Variants in CLXN observed in about 807,000 individuals in gnomAD.
CLXN encodes the protein EF-hand calcium binding domain 1.
chr8:48,730,819 T>C, the CLXN span, among the ~76,000 whole-genome samples: 1 of 152,218 alleles, frequency 6.6e-6, no homozygotes, highest in South Asian at 2.1e-4. Flanking sequence ...AACTCTTTTA[T>C]TAAACATTCA....
chr8:48,729,704 C>T, the CLXN span: 1 of 1,585,146 alleles, frequency 6.3e-7, no homozygotes. Flanking sequence ...AAAAACTTGA[C>T]ATTACCCATA....
the CLXN span, among the ~76,000 whole-genome samples, chr8:48,727,160 T>TCCATCCATCCAC: frequency 1.4e-5 from 2 of 141,726 alleles, no homozygotes; most frequent in Non-Finnish European, 3.1e-5. Flanking sequence ...CTTCCATCCA[T>TCCATCCATCCAC]CCATCCATCC....
At chr8:48,726,524 T>A in the CLXN span, among the ~76,000 whole-genome samples, 3 of 129,242 alleles carry the variant, frequency 2.3e-5, no homozygotes, top group African/African-American at 9.1e-5. Context: ...ATCCAATCCA[T>A]CCATCCACCC....
the CLXN span, chr8:48,730,230 T>C: frequency 3.2e-6 from 1 of 308,046 alleles, no homozygotes; most frequent in Non-Finnish European, 5.9e-6. Flanking sequence ...TGGTTACAAT[T>C]CAAGTAATGA....
At chr8:48,719,748 A>C in the CLXN span, among the ~76,000 whole-genome samples, 3 of 152,216 alleles carry the variant, frequency 2.0e-5, no homozygotes, top group Non-Finnish European at 2.9e-5. Flanking sequence ...CAATAAAATA[A>C]GTACACTAGG....
chr8:48,723,207 T>C, the CLXN span, among the ~76,000 whole-genome samples: 3 of 152,274 alleles, frequency 2.0e-5, no homozygotes, highest in South Asian at 6.2e-4. Flanking sequence ...ATTGTGGTGA[T>C]TATTTCACAA....
At chr8:48,716,143 A>C in the CLXN span, 1 of 152,354 alleles carries the variant, frequency 6.6e-6, no homozygotes, top group African/African-American at 2.4e-5. Flanking sequence ...GCTGAGGCCC[A>C]GTGAGAATTC....
At chr8:48,711,397 C>G in the CLXN span, 1 of 152,244 alleles carries the variant, frequency 6.6e-6, no homozygotes, top group Non-Finnish European at 1.5e-5. Context: ...TCCTCTCACT[C>G]TGCCTCTCTT....
At chr8:48,732,847 G>A in the CLXN span, among the ~76,000 whole-genome samples, 2 of 152,136 alleles carry the variant, frequency 1.3e-5, no homozygotes, top group African/African-American at 4.8e-5. Context: ...AAATAAGCCA[G>A]ACACAAAAGG....
At chr8:48,732,550 A>G in the CLXN span, among the ~76,000 whole-genome samples, 1 of 152,228 alleles carries the variant, frequency 6.6e-6, no homozygotes, top group Non-Finnish European at 1.5e-5. Context: ...GCTGTTAGTC[A>G]CTGTGGAAAA....
At chr8:48,718,293 A>G in the CLXN span, among the ~76,000 whole-genome samples, 1 of 152,176 alleles carries the variant, frequency 6.6e-6, no homozygotes, top group Non-Finnish European at 1.5e-5. Flanking sequence ...TATATATACA[A>G]CCAATATCAG....
the CLXN span, among the ~76,000 whole-genome samples, chr8:48,731,677 A>C: frequency 6.8e-6 from 1 of 147,856 alleles, no homozygotes. Context: ...AAATAAAAAA[A>C]GCAGCATACC....
At chr8:48,721,060 G>A in the CLXN span, among the ~76,000 whole-genome samples, 1 of 151,942 alleles carries the variant, frequency 6.6e-6, no homozygotes, top group Non-Finnish European at 1.5e-5. Context: ...ACACAACAAT[G>A]ACAACAACAA....
At chr8:48,727,718 G>C in the CLXN span, among the ~76,000 whole-genome samples, 1 of 152,156 alleles carries the variant, frequency 6.6e-6, no homozygotes, top group African/African-American at 2.4e-5. Context: ...GGGCCTGGCA[G>C]CATTTGCATT....
At chr8:48,730,351 C>A in the CLXN span, among the ~76,000 whole-genome samples, 1 of 152,096 alleles carries the variant, frequency 6.6e-6, no homozygotes, top group Admixed American at 6.6e-5. Flanking sequence ...CTTGAGTTTT[C>A]TTTTTATTAA....
chr8:48,726,356 T>C, the CLXN span, among the ~76,000 whole-genome samples: 1 of 130,122 alleles, frequency 7.7e-6, no homozygotes, highest in East Asian at 2.5e-4. Flanking sequence ...ATCCACCCAC[T>C]CATCATTTCA....
chr8:48,713,285 A>G, the CLXN span, among the ~76,000 whole-genome samples: 1 of 152,202 alleles, frequency 6.6e-6, no homozygotes, highest in Non-Finnish European at 1.5e-5. Context: ...TTAAATTTCT[A>G]TTTTATTATG....
chr8:48,718,545 C>T, the CLXN span, among the ~76,000 whole-genome samples: 2 of 152,018 alleles, frequency 1.3e-5, no homozygotes, highest in Non-Finnish European at 2.9e-5. Flanking sequence ...AAGGTTAGAT[C>T]ACATGTTAGG....
the CLXN span, chr8:48,724,692 G>A: frequency 4.8e-6 from 7 of 1,451,794 alleles, no homozygotes; most frequent in Non-Finnish European, 6.6e-6. Flanking sequence ...TAAGCAATAT[G>A]TGTGTGCCTC....
Sources: gnomAD v4.1 joint callset for allele counts (sites outside exome capture counted in the v4.1 genomes callset) on GRCh38, gnomAD v4.1.1 for gene constraint, MANE v1.5 for transcripts, NCBI Gene and HGNC (gene_info 2026-07-23, HGNC 2026-07-21) for gene names.